The following MTUS2 variants were observed in gnomAD, a reference collection of about 807,000 sequenced individuals.
MTUS2 encodes microtubule-associated tumor suppressor candidate 2.
In MTUS2, 40 loss-of-function variants were observed where a neutral mutation model predicts 114.1. The ratio of observed to expected loss-of-function variants is 0.35; its 90% CI spans 0.27 to 0.46. MTUS2 has a LOEUF of 0.46. Among genes scored for constraint, MTUS2 ranks in the 20% least tolerant of loss-of-function variants. MTUS2 has a pLI of 1.00. For missense variants in MTUS2, 1,679 were observed against 1,705.4 expected (o/e 0.98, Z 0.27); for synonymous variants, 688 against 672.0 (o/e 1.02, Z -0.37).
At chr13:29,120,984 A>G (rs1182671554) in intron 5 of MTUS2, among the ~76,000 whole-genome samples, 1 of 152,258 alleles carries the variant, frequency 6.6e-6, no homozygotes, top group South Asian at 2.1e-4. Flanking sequence ...ACATGGAACA[A>G]AATGCCACAG....
intron 9 of MTUS2, among the ~76,000 whole-genome samples, chr13:29,454,201 G>A (rs9314956): frequency 0.43 from 65,630 of 152,036 alleles, 16,662 homozygotes; most frequent in Admixed American, 0.59. Flanking sequence ...CCTAAGTTTC[G>A]GTATGAATCT....
intron 2 of MTUS2, among the ~76,000 whole-genome samples, chr13:29,007,862 A>G (rs2138409626): frequency 6.6e-6 from 1 of 152,284 alleles, no homozygotes; most frequent in East Asian, 1.9e-4. Flanking sequence ...GCAGGCTATT[A>G]ATAGTTAAGT....
At chr13:29,179,594 G>A (rs1017133076) in intron 5 of MTUS2, among the ~76,000 whole-genome samples, 4 of 152,196 alleles carry the variant, frequency 2.6e-5, no homozygotes, top group African/African-American at 7.2e-5. Flanking sequence ...TTAACAAATG[G>A]AATTTTCTAG....
chr13:29,012,653 C>T (rs1885899655), intron 2 of MTUS2, among the ~76,000 whole-genome samples: 1 of 151,916 alleles, frequency 6.6e-6, no homozygotes, highest in South Asian at 2.1e-4. Flanking sequence ...GCGGGCGGAT[C>T]ACGAGGTCAG....
chr13:29,424,532 G>A (rs1399873957), intron 8 of MTUS2, among the ~76,000 whole-genome samples: 1 of 152,104 alleles, frequency 6.6e-6, no homozygotes, highest in Non-Finnish European at 1.5e-5. Flanking sequence ...AGGTTGATGG[G>A]GAACTTAACA....
intron 5 of MTUS2, among the ~76,000 whole-genome samples, chr13:29,241,260 T>C (rs558371977): frequency 1.1e-4 from 16 of 151,162 alleles, no homozygotes; most frequent in African/African-American, 3.6e-4. Flanking sequence ...TTCTTGTCTT[T>C]AAAATTGACA....
At chr13:29,047,568 C>T (rs1387531965) in intron 4 of MTUS2, among the ~76,000 whole-genome samples, 5 of 147,112 alleles carry the variant, frequency 3.4e-5, no homozygotes, top group Non-Finnish European at 5.9e-5. Context: ...GGCTGGAGTG[C>T]AGTGGCGCAA....
intron 6 of MTUS2, among the ~76,000 whole-genome samples, chr13:29,289,036 G>T (rs977607339): frequency 2.6e-5 from 4 of 152,146 alleles, no homozygotes; most frequent in Non-Finnish European, 5.9e-5. Flanking sequence ...ATAAATAAGT[G>T]TTCTCCTATT....
intron 7 of MTUS2, among the ~76,000 whole-genome samples, chr13:29,340,184 T>C (rs754968872): frequency 6.6e-6 from 1 of 152,148 alleles, no homozygotes; most frequent in Non-Finnish European, 1.5e-5. Flanking sequence ...AGCACCCAGA[T>C]GATCTGGGGG....
At chr13:29,254,536 G>A (rs767094671) in intron 5 of MTUS2, among the ~76,000 whole-genome samples, 5 of 152,250 alleles carry the variant, frequency 3.3e-5, no homozygotes, top group Non-Finnish European at 7.3e-5. Flanking sequence ...CCGTGTTGCT[G>A]TTCTGGGAAA....
chr13:29,281,247 T>C (rs1480146823), intron 5 of MTUS2, among the ~76,000 whole-genome samples: 2 of 152,202 alleles, frequency 1.3e-5, no homozygotes, highest in African/African-American at 4.8e-5. Context: ...ATTCCTGGGC[T>C]CATGGTACAT....
At chr13:28,963,837 G>A (rs990392561) in intron 2 of MTUS2, among the ~76,000 whole-genome samples, 6 of 151,992 alleles carry the variant, frequency 3.9e-5, no homozygotes, top group African/African-American at 1.5e-4. Flanking sequence ...ATCCTTTCAC[G>A]ACCTTGGCAC....
At chr13:29,053,110 C>T (rs886550857) in intron 4 of MTUS2, among the ~76,000 whole-genome samples, 11 of 151,904 alleles carry the variant, frequency 7.2e-5, no homozygotes, top group Non-Finnish European at 1.2e-4. Flanking sequence ...TTCATAGCAG[C>T]GTGAGAATGA....
intron 8 of MTUS2, among the ~76,000 whole-genome samples, chr13:29,373,761 T>C (rs1455014859): frequency 6.6e-6 from 1 of 152,220 alleles, no homozygotes; most frequent in Non-Finnish European, 1.5e-5. Context: ...GATTATTCAT[T>C]AGATTTAAGC....
chr13:28,906,344 G>A lies in MTUS2; in HGVS notation c.-243+66494G>A, dbSNP rs1347303439. Reference sequence around the variant, plus strand: ...CTTTTCTAGTTCTTTTAATTGTGATGTTAGGGTGTCAATTTTGGATCTTTC... The same window carrying A: ...CTTTTCTAGTTCTTTTAATTGTGATATTAGGGTGTCAATTTTGGATCTTTC... On this transcript the variant is annotated intron_variant, in intron 2 of 15. Transcript: ENST00000612955. Among the ~76,000 whole-genome samples, 18 of 151,144 alleles carry A rather than the reference G, an allele frequency of 1.2e-4. No homozygotes were observed. The East Asian group carries it at 3.5e-3, about 29-fold the overall frequency.
At chr13:29,376,455 A>G (rs1871754342) in intron 8 of MTUS2, among the ~76,000 whole-genome samples, 1 of 152,190 alleles carries the variant, frequency 6.6e-6, no homozygotes, top group African/African-American at 2.4e-5. Flanking sequence ...TGGAATACTA[A>G]AAAATGTGCA....
intron 5 of MTUS2, among the ~76,000 whole-genome samples, chr13:29,130,110 A>G (rs1891694044): frequency 1.3e-5 from 2 of 152,272 alleles, no homozygotes; most frequent in African/African-American, 2.4e-5. Flanking sequence ...GTCCAAGAAG[A>G]GAGAGGATTT....
At chr13:29,469,637 AAAAGAAAG>A (rs57437952) in intron 9 of MTUS2, among the ~76,000 whole-genome samples, 4 of 146,608 alleles carry the variant, frequency 2.7e-5, no homozygotes, top group African/African-American at 1.0e-4. Context: ...AAAAAAAAAA[AAAAGAAAG>A]AAAGAAAGAA....
At chr13:29,347,575 C>T (rs983821166) in intron 7 of MTUS2, among the ~76,000 whole-genome samples, 7 of 151,860 alleles carry the variant, frequency 4.6e-5, no homozygotes, top group Non-Finnish European at 1.0e-4. Context: ...TCTGACACGA[C>T]ACGTGTGGGG....
Sources: allele counts gnomAD v4.1 joint callset (sites outside exome capture counted in the v4.1 genomes callset), GRCh38; gene constraint gnomAD v4.1.1; transcripts MANE v1.5; gene names NCBI Gene and HGNC (gene_info 2026-07-23, HGNC 2026-07-21).